Variants in REV1 observed in about 807,000 individuals in gnomAD.
The protein encoded by REV1 is translesion synthesis protein REV1.
REV1 carries 42 observed loss-of-function variants against 137.4 expected under a neutral mutation model. The ratio of observed to expected loss-of-function variants is 0.31; its 90% CI spans 0.24 to 0.40. The LOEUF is 0.40. Among genes scored for constraint, REV1 ranks in the 10% least tolerant of loss-of-function variants. The pLI is 1.00. For missense variants in REV1, 1,282 were observed against 1,490.1 expected (o/e 0.86, Z 2.30); for synonymous variants, 524 against 519.2 (o/e 1.01, Z -0.12).
At chr2:99,438,348 A>G (rs1681033254) in intron 6 of REV1, among the ~76,000 whole-genome samples, 1 of 152,228 alleles carries the variant, frequency 6.6e-6, no homozygotes, top group South Asian at 2.1e-4. Flanking sequence ...TGAGGAATGA[A>G]TGCTCAGAAT....
At chr2:99,449,594 A>C in intron 3 of REV1, 90 bp from the exon 4 acceptor site, 1 of 577,786 alleles carries the variant, frequency 1.7e-6, no homozygotes. Flanking sequence ...CAACTTTAAG[A>C]ATGTCATTGG....
intron 12 of REV1, among the ~76,000 whole-genome samples, chr2:99,414,760 G>C (rs1677623962): frequency 6.6e-6 from 1 of 152,134 alleles, no homozygotes; most frequent in Non-Finnish European, 1.5e-5. Context: ...ATCTGACCAT[G>C]ATCTTTCCGT....
In REV1 at chr2:99,408,082, C is replaced by T. The variant is rs1408810326; in HGVS notation, c.2395G>A (p.Ala799Thr). The T allele has an allele frequency of 6.2e-7, 1 of 1,610,576 alleles. No homozygotes were observed. Among genetic ancestry groups the T allele is most frequent in the East Asian group, 2.2e-5 (1 of 44,642 alleles). Residue 799 changes from alanine to threonine, a missense_variant, in exon 15 of 23, where the codon GCG (alanine) becomes ACG (threonine). By Grantham distance (58) the Ala-to-Thr change is moderately conservative (BLOSUM62 0). Transcript: ENST00000258428. Reference sequence around the variant, plus strand: ...ATTGTATGAAACATGTTTAGCATCGCCTTTCCAATTATTTTTGCATTATCT... The same window carrying T: ...ATTGTATGAAACATGTTTAGCATCGTCTTTCCAATTATTTTTGCATTATCT... ...ATDNAKIIGK[A>T]MLNMFHTMKL...
intron 4 of REV1, 37 bp from the exon 5 acceptor site, chr2:99,442,506 CT>C: frequency 6.3e-7 from 1 of 1,596,540 alleles, no homozygotes; most frequent in Non-Finnish European, 8.6e-7. Flanking sequence ...GAGTTCCATA[CT>C]TGGTGACAAT....
Position 99,401,202 on chromosome 2 carries a change from G to T in REV1, c.*39C>A. 1 of 1,264,704 alleles carries T rather than the reference G, an allele frequency of 7.9e-7. No individual in the cohort carries two copies. The highest frequency in any genetic ancestry group is 1.2e-5 in the South Asian group (1 of 83,246). 78.3% of individuals were successfully genotyped at this position (1,264,704 alleles called of 1,614,324 possible). A position where few individuals can be genotyped will look rare whatever the true frequency, so the allele number is the denominator to read the frequency against. ...TTGCAAATACCTCACAAGCACTTAT[G>T]GCACAGCTATCAGAGAGCATCAGGC... On this transcript the variant is annotated 3_prime_UTR_variant, in exon 23 of 23. Transcript: ENST00000258428.
intron 1 of REV1, among the ~76,000 whole-genome samples, chr2:99,488,654 G>C (rs1264171008): frequency 2.6e-5 from 4 of 152,230 alleles, no homozygotes; most frequent in Admixed American, 2.0e-4. Flanking sequence ...ACTGGTCCCT[G>C]CACGGGCAAA....
chr2:99,436,056 T>C, intron 6 of REV1, 115 bp from the exon 7 acceptor site: 1 of 677,746 alleles, frequency 1.5e-6, no homozygotes, highest in South Asian at 1.8e-5. Context: ...GAATGGAGTC[T>C]TTTTAAAAAA....
At chr2:99,421,391 G>C (rs1407479186) in intron 11 of REV1, 108 bp downstream of exon 11, 39 of 1,060,200 alleles carry the variant, frequency 3.7e-5, no homozygotes, top group African/African-American at 6.5e-5. Context: ...GCTAAAAACG[G>C]TTTTACAAGT....
intron 1 of REV1, among the ~76,000 whole-genome samples, chr2:99,471,129 C>T (rs941358763): frequency 1.6e-5 from 2 of 124,414 alleles, no homozygotes; most frequent in African/African-American, 2.9e-5. Flanking sequence ...CTTATCTAGG[C>T]AAGGTTGAAA....
At chr2:99,490,107 C>A (rs1687563529), upstream of REV1, 1 of 149,918 alleles carries the variant, frequency 6.7e-6, no homozygotes, top group African/African-American at 2.4e-5. Context: ...GCGCTCACAG[C>A]CGCGCGGCGC....
At chr2:99,479,077 C>T (rs772061826) in intron 1 of REV1, among the ~76,000 whole-genome samples, 10 of 152,054 alleles carry the variant, frequency 6.6e-5, no homozygotes, top group Non-Finnish European at 8.8e-5. Context: ...TACCTGTAAT[C>T]CCAGCACTTT....
rs1355431863 is a variant in REV1 at position 99,429,860 on chromosome 2, T to C, written c.1527A>G (p.Ala509=). The C allele has an allele frequency of 6.2e-7, 1 of 1,600,310 alleles. No homozygotes were observed. The highest frequency in any genetic ancestry group is 1.3e-5 in the African/African-American group (1 of 74,102). Reference sequence around the variant, plus strand: ...CATACCTGGCCTCATAACTACAAGATGCAATTTCAGCCCTTGACAAAACAG... The same window carrying C: ...CATACCTGGCCTCATAACTACAAGACGCAATTTCAGCCCTTGACAAAACAG... ...IDSVLSRAEI[A]SCSYEARQLG... Residue 509 remains alanine, a synonymous_variant, in exon 9 of 23, where the codon GCA becomes GCG. Transcript: ENST00000258428.
chr2:99,401,494 C>T (rs1675403177), intron 22 of REV1, 142 bp from the exon 23 acceptor site: 2 of 518,060 alleles, frequency 3.9e-6, no homozygotes, highest in Non-Finnish European at 6.7e-6. Flanking sequence ...TGCCTGTAAT[C>T]CCAGCACTTT....
intron 14 of REV1, among the ~76,000 whole-genome samples, chr2:99,410,160 G>A (rs1281165988): frequency 2.0e-5 from 3 of 151,966 alleles, no homozygotes; most frequent in Non-Finnish European, 4.4e-5. Context: ...ACAGGCGAAT[G>A]CCACCATGTC....
At chr2:99,417,395 C>T (rs183928054) in intron 12 of REV1, among the ~76,000 whole-genome samples, 2 of 152,266 alleles carry the variant, frequency 1.3e-5, no homozygotes, top group African/African-American at 2.4e-5. Flanking sequence ...CCATCTGCCT[C>T]GGCCTCCCAC....
chr2:99,446,597 C>A (rs957265761), intron 4 of REV1, among the ~76,000 whole-genome samples: 11 of 151,998 alleles, frequency 7.2e-5, no homozygotes, highest in Non-Finnish European at 1.6e-4. Flanking sequence ...CAGGTTCAAG[C>A]AATTCTCCTG....
rs373824185 is a variant in REV1 at position 99,442,358 on chromosome 2, C to T, written c.462G>A (p.Leu154=). 2.5e-6 allele frequency: 4 copies of T among 1,612,626 alleles called. No homozygotes were observed. Among genetic ancestry groups the T allele is most frequent in the Non-Finnish European group, 3.4e-6 (4 of 1,179,546 alleles). The change falls in exon 5 of 23, where the codon CTG becomes CTA. Residue 154 remains leucine, a synonymous_variant. Coordinates refer to ENST00000258428, the MANE Select transcript of REV1 (RefSeq NM_016316.4). ...FNPVCRPEDP[L]PGPSNIAKQL... ...GTTTGGCTATATTGCTTGGACCTGGCAGAGGATCCTCAGGTCTGCATACAG... is the reference window on the plus strand; with the variant it reads ...GTTTGGCTATATTGCTTGGACCTGGTAGAGGATCCTCAGGTCTGCATACAG...
rs770964496 is a variant in REV1, at chr2:99,450,763, G to GA, written c.182-1260dup. Among the ~76,000 whole-genome samples the GA allele has an allele frequency of 3.3e-5, 5 of 152,164 alleles. No homozygotes were observed. In the East Asian group the frequency reaches 7.7e-4, roughly 23 times the overall value. The stretch of plus-strand genomic sequence containing the variant: ...ATATTATTTCAACATGTAATCAACA[G>GA]AAAAAATCTGAGATATTTACTTTCT... On this transcript the variant is annotated intron_variant, in intron 3 of 22. Transcript: ENST00000258428.
At chr2:99,441,428 T>C (rs1428715327) in intron 5 of REV1, among the ~76,000 whole-genome samples, 1 of 151,442 alleles carries the variant, frequency 6.6e-6, no homozygotes, top group Non-Finnish European at 1.5e-5. Context: ...CAATTAATTG[T>C]GAAACAATTT....
Sources: allele counts gnomAD v4.1 joint callset (sites outside exome capture counted in the v4.1 genomes callset), GRCh38; gene constraint gnomAD v4.1.1; transcripts MANE v1.5; gene names NCBI Gene and HGNC (gene_info 2026-07-23, HGNC 2026-07-21).